KCNH1: variants seen among roughly 807,000 people sequenced by gnomAD.
KCNH1 encodes the protein potassium voltage-gated channel subfamily H member 1.
A neutral mutation model predicts 69.2 loss-of-function variants in KCNH1; 27 were observed. The observed-to-expected ratio is 0.39, with a 90% CI of 0.29 to 0.54. The LOEUF is 0.54. KCNH1 is among the 20% of genes least tolerant of loss of function. KCNH1 has a pLI of 0.68. For missense variants in KCNH1, 798 were observed against 1,261.6 expected (o/e 0.63, Z 5.57); for synonymous variants, 456 against 487.7 (o/e 0.93, Z 0.86).
intron 1 of KCNH1, among the ~76,000 whole-genome samples, chr1:211,121,224 C>T (rs1691676613): frequency 6.6e-6 from 1 of 152,112 alleles, no homozygotes; most frequent in Admixed American, 6.5e-5. Flanking sequence ...ATAGCCAAGA[C>T]AATCCTAAGC....
chr1:211,117,595 CA>C (rs1346093685), intron 1 of KCNH1, among the ~76,000 whole-genome samples: 1 of 152,102 alleles, frequency 6.6e-6, no homozygotes, highest in African/African-American at 2.4e-5. Context: ...CAATGAAAAC[CA>C]ATAGAAGAAT....
At chr1:210,856,882 T>TATATAC (rs1168348086) in intron 7 of KCNH1, among the ~76,000 whole-genome samples, 1 of 132,838 alleles carries the variant, frequency 7.5e-6, no homozygotes, top group East Asian at 2.6e-4. Context: ...ACCCACTATA[T>TATATAC]ATATATATAT....
At chr1:210,892,203 A>G (rs925018023) in intron 7 of KCNH1, among the ~76,000 whole-genome samples, 2 of 151,924 alleles carry the variant, frequency 1.3e-5, no homozygotes, top group African/African-American at 4.8e-5. Flanking sequence ...CCCAGAACTT[A>G]AAGTATATAT....
intron 7 of KCNH1, among the ~76,000 whole-genome samples, chr1:210,866,014 G>A (rs565309307): frequency 6.6e-6 from 1 of 152,130 alleles, no homozygotes; most frequent in East Asian, 1.9e-4. Flanking sequence ...AACTCAATGG[G>A]GGAATAAAAA....
chr1:210,860,317 A>C (rs1027184165), intron 7 of KCNH1: 3 of 1,346,314 alleles, frequency 2.2e-6, no homozygotes, highest in Admixed American at 3.4e-5. Context: ...CGCTAAAGAG[A>C]TGTCCTCATA....
intron 5 of KCNH1, among the ~76,000 whole-genome samples, chr1:211,029,166 C>CAAAAAA: frequency 1.9e-5 from 1 of 52,718 alleles, no homozygotes; most frequent in Non-Finnish European, 3.8e-5. Flanking sequence ...CCCATCTCTA[C>CAAAAAA]AAAAAAAAAA....
At chr1:210,981,964 T>G (rs1464211149) in intron 6 of KCNH1, among the ~76,000 whole-genome samples, 1 of 152,004 alleles carries the variant, frequency 6.6e-6, no homozygotes, top group Non-Finnish European at 1.5e-5. Flanking sequence ...GCGGGTACGG[T>G]TTGAAAGAGG....
At chr1:210,935,158 ACACACAC>A (rs1687755063) in intron 6 of KCNH1, among the ~76,000 whole-genome samples, 1 of 126,728 alleles carries the variant, frequency 7.9e-6, no homozygotes, top group Admixed American at 8.2e-5. Flanking sequence ...ACACACACAC[ACACACAC>A]GAATAGTATT....
At chr1:210,994,693 A>G (rs980313993) in intron 6 of KCNH1, among the ~76,000 whole-genome samples, 26 of 152,188 alleles carry the variant, frequency 1.7e-4, no homozygotes, top group African/African-American at 6.3e-4. Context: ...GGGTCAGTCT[A>G]AACTCAATTT....
chr1:210,987,141 C>G (rs937652109), intron 6 of KCNH1, among the ~76,000 whole-genome samples: 3 of 152,320 alleles, frequency 2.0e-5, no homozygotes, highest in Middle Eastern at 3.4e-3. Context: ...CCATCAGGTC[C>G]TTTAAGGACT....
chr1:210,998,390 CA>C (rs1391567312), intron 6 of KCNH1, among the ~76,000 whole-genome samples: 1 of 152,060 alleles, frequency 6.6e-6, no homozygotes, highest in Non-Finnish European at 1.5e-5. Context: ...AACTTTAAAG[CA>C]ACAAAGATCA....
At chr1:211,058,535 A>C (rs1690358058) in intron 5 of KCNH1, among the ~76,000 whole-genome samples, 2 of 152,212 alleles carry the variant, frequency 1.3e-5, no homozygotes, top group Non-Finnish European at 2.9e-5. Context: ...GTTGTCATCA[A>C]CTTAAAATAA....
chr1:210,752,592 A>C (rs557782881), intron 10 of KCNH1, among the ~76,000 whole-genome samples: 12 of 152,336 alleles, frequency 7.9e-5, no homozygotes, highest in African/African-American at 2.9e-4. Context: ...TAAAAAGAAG[A>C]TTCCTGTGCT....
At chr1:210,738,793 T>G (rs754750311) in intron 10 of KCNH1, among the ~76,000 whole-genome samples, 8 of 152,104 alleles carry the variant, frequency 5.3e-5, no homozygotes, top group South Asian at 2.1e-4. Flanking sequence ...CTTGAACTCC[T>G]GGGCTCAAGT....
intron 5 of KCNH1, among the ~76,000 whole-genome samples, chr1:211,039,155 G>A (rs1199385589): frequency 2.0e-5 from 3 of 152,198 alleles, no homozygotes; most frequent in African/African-American, 7.2e-5. Flanking sequence ...GCTGAAAGGG[G>A]CCAACATACA....
intron 6 of KCNH1, among the ~76,000 whole-genome samples, chr1:210,978,437 T>G (rs1688654013): frequency 6.6e-6 from 1 of 152,230 alleles, no homozygotes; most frequent in Non-Finnish European, 1.5e-5. Flanking sequence ...CTGAGGACAC[T>G]GAGAGGCAGT....
At chr1:210,859,714 GAAACCTGATTT>G (rs1384374613) in intron 7 of KCNH1, 1 of 1,208,740 alleles carries the variant, frequency 8.3e-7, no homozygotes, top group Non-Finnish European at 1.2e-6. Context: ...AATCTGTCCA[GAAACCTGATTT>G]AAACCTTGGG....
chr1:210,916,016 G>C (rs1454064058), intron 7 of KCNH1, among the ~76,000 whole-genome samples: 1 of 152,084 alleles, frequency 6.6e-6, no homozygotes, highest in African/African-American at 2.4e-5. Context: ...CTGACTACCA[G>C]AGTGACCTGG....
intron 7 of KCNH1, among the ~76,000 whole-genome samples, chr1:210,871,196 A>C (rs1686234864): frequency 6.6e-6 from 1 of 152,216 alleles, no homozygotes; most frequent in Admixed American, 6.5e-5. Context: ...AATGCAAACA[A>C]ATTTACAAGA....
Sources: allele counts gnomAD v4.1 joint callset (sites outside exome capture counted in the v4.1 genomes callset), GRCh38; gene constraint gnomAD v4.1.1; transcripts MANE v1.5; gene names NCBI Gene and HGNC (gene_info 2026-07-23, HGNC 2026-07-21).